The following CFLAR variants were observed in gnomAD, a reference collection of about 807,000 sequenced individuals.
CFLAR encodes CASP8 and FADD like apoptosis regulator, also known as CASP8 and FADD-like apoptosis regulator.
A neutral mutation model predicts 51.1 loss-of-function variants in CFLAR; 14 were observed. The ratio of observed to expected loss-of-function variants is 0.27; its 90% CI spans 0.18 to 0.43. The LOEUF (loss-of-function observed/expected upper bound fraction) is 0.43, where lower values mean the gene tolerates loss of function less well. CFLAR is among the 20% of genes least tolerant of loss of function. The probability of loss-of-function intolerance (pLI) is 1.00; values close to 1 mark genes in which losing one functional copy is unlikely to be tolerated. For missense variants in CFLAR, 390 were observed against 566.5 expected (o/e 0.69, Z 3.16); for synonymous variants, 210 against 211.6 (o/e 0.99, Z 0.06).
intron 5 of CFLAR, 76 bp downstream of exon 5, chr2:201,140,515 C>G (rs778298257): frequency 1.9e-6 from 2 of 1,044,554 alleles, no homozygotes; most frequent in Non-Finnish European, 2.8e-6. Context: ...CATATTCTCA[C>G]AGCATGTACT....
chr2:201,159,247 AT>A (rs750440914), intron 8 of CFLAR, among the ~76,000 whole-genome samples: 1 of 152,032 alleles, frequency 6.6e-6, no homozygotes, highest in Non-Finnish European at 1.5e-5. Context: ...AATGATGCTT[AT>A]TGATTATAGA....
At chr2:201,139,814 A>T (rs1361502245) in intron 4 of CFLAR, 1 of 152,828 alleles carries the variant, frequency 6.5e-6, no homozygotes, top group Non-Finnish European at 1.5e-5. Flanking sequence ...AAGGGAACTA[A>T]GAGGCCGGCG....
intron 6 of CFLAR, among the ~76,000 whole-genome samples, chr2:201,147,485 T>A (rs988558715): frequency 6.6e-6 from 1 of 151,540 alleles, no homozygotes; most frequent in Non-Finnish European, 1.5e-5. Context: ...GCCGAGATCT[T>A]GCCACTGCAT....
intron 7 of CFLAR, 21 bp from the exon 8 acceptor site, chr2:201,149,733 A>G: frequency 6.3e-7 from 1 of 1,586,336 alleles, no homozygotes; most frequent in Non-Finnish European, 8.7e-7. Context: ...AGTCTTTAGC[A>G]TTTCTTGTCT....
intron 2 of CFLAR, among the ~76,000 whole-genome samples, chr2:201,130,360 T>C (rs148358582): frequency 0.031 from 3,846 of 126,028 alleles, 79 homozygotes; most frequent in Non-Finnish European, 0.04. Flanking sequence ...TTTCTTTTTT[T>C]TTTTTTTTTT....
At chr2:201,117,947 G>A (rs1320551414) in intron 1 of CFLAR, among the ~76,000 whole-genome samples, 1 of 151,668 alleles carries the variant, frequency 6.6e-6, no homozygotes, top group East Asian at 1.9e-4. Context: ...TAGAGACGGG[G>A]TTTCTCCATG....
rs1474796208 is a variant in CFLAR, at chr2:201,136,061, C to G, written c.477C>G (p.Ile159Met). Residue 159 changes from isoleucine to methionine, a missense_variant, in exon 4 of 10, where the codon ATC (isoleucine) becomes ATG (methionine). By Grantham distance (10) the Ile-to-Met change is conservative. Transcript: ENST00000309955. ...TATTAGAAAAATGCCTAAAGAACATCCACAGAATAGACCTGAAGACAAAAA... is the reference window on the plus strand; with the variant it reads ...TATTAGAAAAATGCCTAAAGAACATGCACAGAATAGACCTGAAGACAAAAA... ...LDLLEKCLKN[I>M]HRIDLKTKIQ... 6.2e-7 allele frequency: 1 copy of G among 1,613,814 alleles called. No homozygotes were observed. The highest frequency in any genetic ancestry group is 8.5e-7 in the Non-Finnish European group (1 of 1,180,026).
chr2:201,141,259 A>C, intron 5 of CFLAR: 1 of 1,386,170 alleles, frequency 7.2e-7, no homozygotes, highest in South Asian at 1.5e-5. Flanking sequence ...CTACCCCTAT[A>C]ATACTGACCT....
chr2:201,132,271 CA>C (rs879390156), intron 2 of CFLAR, among the ~76,000 whole-genome samples: 3 of 151,862 alleles, frequency 2.0e-5, no homozygotes, highest in Non-Finnish European at 4.4e-5. Flanking sequence ...AGCTCTAGGA[CA>C]AAATGAAAAG....
At chr2:201,163,632 A>T (rs986424601) in intron 9 of CFLAR, 52 of 1,377,034 alleles carry the variant, frequency 3.8e-5, no homozygotes, top group Non-Finnish European at 4.8e-5. Context: ...AGTGAAACTC[A>T]GCAGCCCCTT....
intron 8 of CFLAR, chr2:201,151,334 G>C (rs1172317516): frequency 6.6e-6 from 1 of 152,208 alleles, no homozygotes; most frequent in East Asian, 1.9e-4. Context: ...TCTTCCTTAA[G>C]AGGATCGATC....
rs201494855 is a variant in CFLAR at position 201,160,719 on chromosome 2, G to C, written c.1081G>C (p.Val361Leu). The C allele has an allele frequency of 7.4e-5, 120 of 1,614,146 alleles. No individual in the cohort carries two copies. Among genetic ancestry groups the C allele is most frequent in the African/African-American group, 7.2e-4 (54 of 75,022 alleles). Residue 361 changes from valine (V) to leucine (L), a missense_variant, in exon 9 of 10, where the codon GTG becomes CTG. This residue lies in a region of CFLAR where 287 missense variants were observed against 363.6 expected (regional missense o/e 0.79). Transcript: ENST00000309955. ...AAAGATGTTTTTTATTCAGAACTAT[G>C]TGGTGTCAGAGGGCCAGCTGGAGGA... ...KPKMFFIQNY[V>L]VSEGQLEDSS... is the part of the protein sequence containing the mutation.
At chr2:201,130,248 T>G (rs2049122620) in intron 2 of CFLAR, 102 bp downstream of exon 2, 3 of 1,117,278 alleles carry the variant, frequency 2.7e-6, no homozygotes, top group Non-Finnish European at 3.7e-6. Context: ...GTGCAGCCAC[T>G]TTACTGTCTC....
Position 201,171,865 on chromosome 2 carries a change from TG to T in CFLAR, c.*7894del, listed in dbSNP as rs1944041114. The T allele has an allele frequency of 6.6e-6, 1 of 152,242 alleles. No homozygotes were observed. The highest frequency in any genetic ancestry group is 2.4e-5 in the African/African-American group (1 of 41,448). The allele number at this position is 152,242 out of a possible 1,614,324, so 9.4% of individuals were successfully genotyped here. A position where few individuals can be genotyped will look rare whatever the true frequency, so the allele number is the denominator to read the frequency against. ...TCTCCTACCTCTGGATCTTTGGTTC[TG>T]GTGATTGTATATTTCTGGACCATCT... On this transcript the variant is annotated 3_prime_UTR_variant, in exon 10 of 10. Coordinates refer to ENST00000309955, the MANE Select transcript of CFLAR (RefSeq NM_003879.7).
At chr2:201,126,689 C>T (rs1162149275) in intron 1 of CFLAR, among the ~76,000 whole-genome samples, 1 of 152,182 alleles carries the variant, frequency 6.6e-6, no homozygotes. Context: ...AAGGTTGTTG[C>T]AGCAGCCCCA....
Position 201,123,758 on chromosome 2 carries a change from A to G in CFLAR, c.-137-5971A>G, listed in dbSNP as rs1170258624. Among the ~76,000 whole-genome samples, 6 of 152,202 alleles carry G rather than the reference A, an allele frequency of 3.9e-5. No homozygotes were observed. In the South Asian group the frequency reaches 6.2e-4, roughly 16 times the overall value. On this transcript the variant is annotated intron_variant, in intron 1 of 9. Coordinates refer to ENST00000309955, the MANE Select transcript of CFLAR (RefSeq NM_003879.7). ...GGATCATCTGTTGTTCTGCACGCCA[A>G]TGGAGGGGGAAGGTGAATTTTGTTA...
intron 5 of CFLAR, among the ~76,000 whole-genome samples, chr2:201,144,748 C>T (rs976423566): frequency 6.6e-6 from 1 of 152,198 alleles, no homozygotes; most frequent in African/African-American, 2.4e-5. Context: ...CTTATCCTAA[C>T]CTGGAGCTAT....
intron 5 of CFLAR, among the ~76,000 whole-genome samples, chr2:201,143,901 G>A (rs540396945): frequency 6.6e-6 from 1 of 152,156 alleles, no homozygotes; most frequent in South Asian, 2.1e-4. Context: ...GGCAGAGGTT[G>A]CAGGCGCCAC....
In CFLAR at chr2:201,118,870, A is replaced by T. The variant is rs1265091238; in HGVS notation, c.-138+2389A>T. ...AGGGTGGGAGTTGGTCCCGGCGGAG[A>T]TCCAGTGGGAAGAGCCGGCGGCTGC... On this transcript the variant is annotated intron_variant, in intron 1 of 9. Coordinates refer to ENST00000309955, the MANE Select transcript of CFLAR (RefSeq NM_003879.7). The surrounding 1 kb of genome is among the most constrained non-coding windows in gnomAD (Gnocchi z 5.1). 6.6e-6 allele frequency: 1 copy of T among 152,312 alleles called. No individual in the cohort carries two copies. The highest frequency in any genetic ancestry group is 2.4e-5 in the African/African-American group (1 of 41,400). The allele number at this position is 152,312 out of a possible 1,614,324, so 9.4% of individuals were successfully genotyped here.
Sources: allele counts gnomAD v4.1 joint callset (sites outside exome capture counted in the v4.1 genomes callset), GRCh38; gene constraint gnomAD v4.1.1; regional missense constraint gnomAD v4.1.1; non-coding constraint Gnocchi (gnomAD v3.1); transcripts MANE v1.5; gene names NCBI Gene and HGNC (gene_info 2026-07-23, HGNC 2026-07-21).